ATAD5: variants seen among roughly 807,000 people sequenced by gnomAD.
ATAD5 encodes ATPase family AAA domain-containing protein 5.
In ATAD5, 58 loss-of-function variants were observed where a neutral mutation model predicts 176.9. That is an observed-to-expected ratio of 0.33 (90% CI 0.27 to 0.41). The LOEUF is 0.41. Ranked by LOEUF, ATAD5 falls within the 10% of genes least tolerant of loss-of-function variation. ATAD5 has a pLI of 1.00. For missense variants in ATAD5, 1,789 were observed against 2,094.1 expected (o/e 0.85, Z 2.84); for synonymous variants, 640 against 712.6 (o/e 0.90, Z 1.62).
At chr17:30,837,184 G>C (rs1269468136) in intron 2 of ATAD5, 22 bp from the exon 3 acceptor site, 2 of 1,294,028 alleles carry the variant, frequency 1.5e-6, no homozygotes, top group Middle Eastern at 2.1e-4. Flanking sequence ...AAATGTTTCT[G>C]AATACCTTAT....
At position 30,834,294 on chromosome 17, in the gene ATAD5, C is replaced by T; in HGVS notation, c.213C>T (p.Pro71=). Residue 71 remains proline (P), a synonymous_variant, in exon 2 of 23, where the codon CCC becomes CCT. Coordinates refer to ENST00000321990, the MANE Select transcript of ATAD5 (RefSeq NM_024857.5). ...NILDYFRKTS[P]TNEKTQLGKE... ...TGGATTATTTTAGAAAGACTTCACC[C>T]ACAAATGAGAAGACACAATTAGGGA... 1 of 1,613,422 alleles carries T rather than the reference C, an allele frequency of 6.2e-7. No homozygotes were observed.
intron 14 of ATAD5, 108 bp downstream of exon 14, chr17:30,869,754 A>G (rs1908232114): frequency 1.6e-6 from 2 of 1,232,962 alleles, no homozygotes; most frequent in African/African-American, 3.1e-5. Context: ...TTCTACACGT[A>G]CACGTTTCCT....
rs769837150 is a variant in ATAD5, at chr17:30,834,623, C to G, written c.542C>G (p.Thr181Ser). 3.4e-5 allele frequency: 54 copies of G among 1,611,496 alleles called. 1 individual carries two copies. The highest frequency in any genetic ancestry group is 4.0e-5 in the Non-Finnish European group (47 of 1,179,412). Residue 181 changes from threonine (T) to serine (S), a missense_variant, in exon 2 of 23, where the codon ACT becomes AGT. Physicochemically the swap from Thr to Ser is moderately conservative, Grantham distance 58 (BLOSUM62 1). Coordinates refer to ENST00000321990, the MANE Select transcript of ATAD5 (RefSeq NM_024857.5). ...NIQDTKSQPN[T>S]MTSLQNSKKV... Reference sequence around the variant, plus strand: ...CAAGATACAAAAAGTCAACCAAATACTATGACCTCCCTGCAAAATTCTAAA... The same window carrying G: ...CAAGATACAAAAAGTCAACCAAATAGTATGACCTCCCTGCAAAATTCTAAA...
At chr17:30,879,723 C>T (rs1908901326) in intron 18 of ATAD5, among the ~76,000 whole-genome samples, 3 of 151,908 alleles carry the variant, frequency 2.0e-5, no homozygotes, top group South Asian at 2.1e-4. Flanking sequence ...CCACCACGCC[C>T]GGCTAATTTT....
intron 6 of ATAD5, among the ~76,000 whole-genome samples, 159 bp from the exon 7 acceptor site, chr17:30,854,983 TC>T: frequency 6.6e-6 from 1 of 152,144 alleles, no homozygotes; most frequent in African/African-American, 2.4e-5. Context: ...GGTCTGGAAA[TC>T]CTTGCCTTAA....
rs537318679 is a variant in ATAD5, at chr17:30,877,496, G to A, written c.3865G>A (p.Gly1289Arg). 6.2e-7 allele frequency: 1 copy of A among 1,610,630 alleles called. No homozygotes were observed. Among genetic ancestry groups the A allele is most frequent in the African/African-American group, 1.3e-5 (1 of 74,878 alleles). The change falls in exon 16 of 23, where the codon GGA becomes AGA. Residue 1289 changes from glycine to arginine, a missense_variant. Gly to Arg is a moderately radical substitution (Grantham distance 125). Transcript: ENST00000321990. ...NATNSNVKDV[G>R]AEEPSRKNAT... ...AACTAATTCAAATGTCAAAGACGTT[G>A]GAGCTGAAGAACCCAGCAGAAAAAA...
intron 1 of ATAD5, 110 bp from the exon 2 acceptor site, chr17:30,834,038 A>C (rs2142296941): frequency 5.3e-6 from 5 of 943,332 alleles, no homozygotes; most frequent in African/African-American, 3.5e-5. Flanking sequence ...CACCTAAAGG[A>C]GGCTTCCTTT....
At position 30,860,558 on chromosome 17, in the gene ATAD5, G is replaced by A. The variant is rs758733424; in HGVS notation, c.3082G>A (p.Glu1028Lys). ...TCTGGAGAAGACCAATAGGAAGTCAGAAGAACTTAGCAAAAGAAACAACTC... is the reference window on the plus strand; with the variant it reads ...TCTGGAGAAGACCAATAGGAAGTCAAAAGAACTTAGCAAAAGAAACAACTC... ...KNLEKTNRKS[E>K]ELSKRNNSSG... is the part of the protein sequence containing the mutation. Residue 1028 changes from glutamate (E) to lysine (K), a missense_variant, in exon 10 of 23, where the codon GAA (glutamate) becomes AAA (lysine). By Grantham distance (56) the Glu-to-Lys change is moderately conservative (BLOSUM62 1). Transcript: ENST00000321990. 1 of 1,589,912 alleles carries A rather than the reference G, an allele frequency of 6.3e-7. No homozygotes were observed.
intron 14 of ATAD5, among the ~76,000 whole-genome samples, chr17:30,873,359 C>T (rs1321257609): frequency 1.3e-5 from 2 of 148,570 alleles, no homozygotes; most frequent in African/African-American, 5.0e-5. Context: ...TGCTCTGTCA[C>T]GAGGCTGGAG....
At chr17:30,843,479 A>G (rs1245502512) in intron 4 of ATAD5, among the ~76,000 whole-genome samples, 1 of 151,804 alleles carries the variant, frequency 6.6e-6, no homozygotes, top group Non-Finnish European at 1.5e-5. Context: ...GCGAAACCCC[A>G]TGTCTACTAA....
chr17:30,852,436 G>A (rs1297457492), intron 6 of ATAD5, among the ~76,000 whole-genome samples: 4 of 152,274 alleles, frequency 2.6e-5, no homozygotes, highest in Admixed American at 2.0e-4. Context: ...ATTTAGAGAC[G>A]AAGGTCTAGC....
At chr17:30,867,056 CTT>C (rs60477859) in intron 11 of ATAD5, among the ~76,000 whole-genome samples, 31 of 142,814 alleles carry the variant, frequency 2.2e-4, no homozygotes, top group Non-Finnish European at 1.8e-4. Context: ...TTCCTTCTTT[CTT>C]TTTTTTTTTT....
Position 30,834,165 on chromosome 17 carries a change from G to A in ATAD5, c.84G>A (p.Lys28=). The part of the protein sequence containing the change: ...DCEIEPCKKR[K]KDDDTSTCKT... ...ATTGCCAGCCATGCAAAAAGCGAAA[G>A]AAAGATGATGACACATCTACCTGCA... is the stretch of plus-strand genomic sequence containing the variant. Residue 28 remains lysine (K), a synonymous_variant, in exon 2 of 23, where the codon AAG becomes AAA. Coordinates refer to ENST00000321990, the MANE Select transcript of ATAD5 (RefSeq NM_024857.5). The A allele has an allele frequency of 6.4e-7, 1 of 1,551,796 alleles. No homozygotes were observed. The highest frequency in any genetic ancestry group is 8.7e-7 in the Non-Finnish European group (1 of 1,154,904).
chr17:30,865,461 C>T (rs1002332534), intron 10 of ATAD5, among the ~76,000 whole-genome samples: 4 of 152,054 alleles, frequency 2.6e-5, no homozygotes, highest in African/African-American at 7.2e-5. Context: ...CGTGAACCAC[C>T]GCGCCTGGCT....
At position 30,844,004 on chromosome 17, in the gene ATAD5, GAAA is replaced by G. The variant is rs1316249589; in HGVS notation, c.2338_2340del (p.Lys780del). ...CTTCAGTGTTTGAATGATGTGCTAG[GAAA>G]AAAACTTAACACATCCACTAAAAAT... On this transcript the variant is annotated inframe_deletion, in exon 5 of 23. Transcript: ENST00000321990. 6.4e-7 allele frequency: 1 copy of G among 1,558,862 alleles called. No individual in the cohort carries two copies. The highest frequency in any genetic ancestry group is 8.7e-7 in the Non-Finnish European group (1 of 1,156,064).
chr17:30,881,345 G>A (rs1233041790), intron 18 of ATAD5, among the ~76,000 whole-genome samples: 1 of 152,090 alleles, frequency 6.6e-6, no homozygotes, highest in Non-Finnish European at 1.5e-5. Context: ...TGTTGCCCAG[G>A]CTGGAGTACG....
chr17:30,842,125 C>T (rs930176918), intron 4 of ATAD5, among the ~76,000 whole-genome samples: 5 of 151,818 alleles, frequency 3.3e-5, no homozygotes, highest in Admixed American at 6.6e-5. Flanking sequence ...AAACATTAGC[C>T]GGGCATGGTG....
intron 9 of ATAD5, 56 bp from the exon 10 acceptor site, chr17:30,860,377 T>A: frequency 6.5e-7 from 1 of 1,528,936 alleles, no homozygotes; most frequent in African/African-American, 1.4e-5. Context: ...GTGATATTAA[T>A]ATTACTGGTT....
chr17:30,846,444 C>T (rs1445539237), intron 6 of ATAD5, among the ~76,000 whole-genome samples: 1 of 147,582 alleles, frequency 6.8e-6, no homozygotes, highest in African/African-American at 2.5e-5. Context: ...CACTCTGTCA[C>T]TAGGCTGGAG....
Sources: allele counts gnomAD v4.1 joint callset (sites outside exome capture counted in the v4.1 genomes callset), GRCh38; gene constraint gnomAD v4.1.1; transcripts MANE v1.5; gene names NCBI Gene and HGNC (gene_info 2026-07-23, HGNC 2026-07-21).